Variants in INTS4 observed in about 807,000 individuals in gnomAD.
The protein encoded by INTS4 is integrator complex subunit 4.
A neutral mutation model predicts 119.5 loss-of-function variants in INTS4; 70 were observed. The observed-to-expected ratio is 0.59, with a 90% CI of 0.48 to 0.71. The LOEUF is 0.71. INTS4 is among the 30% of genes least tolerant of loss of function. The pLI is 0.00. For synonymous variants in INTS4, 316 were observed against 419.6 expected (o/e 0.75, Z 3.02); for missense variants, 867 against 1,173.2 (o/e 0.74, Z 3.81).
rs532697060 is a variant in INTS4, at chr11:77,956,995, C to T, written c.798-933G>A. On this transcript the variant is annotated intron_variant, in intron 7 of 22. Coordinates refer to ENST00000534064, the MANE Select transcript of INTS4 (RefSeq NM_033547.4). ...TGTCGCCCAGGCTGGAGTGCAGTGG[C>T]GTGAGCACTGCTCACCACAGTGTCA... is the stretch of plus-strand genomic sequence containing the variant. Among the ~76,000 whole-genome samples, 313 of 152,058 alleles carry T rather than the reference C, an allele frequency of 2.1e-3. 1 individual carries two copies. The highest frequency in any genetic ancestry group is 3.8e-3 in the Non-Finnish European group (255 of 67,952).
Position 77,907,073 on chromosome 11 carries a change from G to C in INTS4, c.2016+644C>G, listed in dbSNP as rs916272329. On this transcript the variant is annotated intron_variant, in intron 16 of 22. Transcript: ENST00000534064. ...CCTTTTAACTTTGATGAAGTGCAGT[G>C]AGTTTTTTTGTTTGTTTGTTTGTTT... 3.9e-5 allele frequency among the ~76,000 whole-genome samples: 6 copies of C among 152,108 alleles called. No individual in the cohort carries two copies. The South Asian group carries it at 1.2e-3, about 32-fold the overall frequency.
chr11:77,922,639 G>C (rs1953391004), intron 12 of INTS4, 168 bp from the exon 13 acceptor site: 1 of 988,720 alleles, frequency 1.0e-6, no homozygotes, highest in African/African-American at 1.6e-5. Context: ...CTGGAACTCG[G>C]TTAATTCATC....
intron 4 of INTS4, among the ~76,000 whole-genome samples, chr11:77,962,477 GC>G (rs1197250702): frequency 1.3e-5 from 2 of 152,012 alleles, no homozygotes; most frequent in Admixed American, 1.3e-4. Flanking sequence ...CTAGTCCAAT[GC>G]TACTAAAACA....
intron 3 of INTS4, among the ~76,000 whole-genome samples, chr11:77,980,304 A>T (rs1856155427): frequency 6.6e-6 from 1 of 152,188 alleles, no homozygotes; most frequent in African/African-American, 2.4e-5. Flanking sequence ...TAGCTACCAT[A>T]AGAATTTTCC....
chr11:77,924,484 C>T, intron 12 of INTS4: 1 of 354,112 alleles, frequency 2.8e-6, no homozygotes, highest in Non-Finnish European at 5.3e-6. Flanking sequence ...TAACAGCTAC[C>T]ACAAGGGTTG....
chr11:77,928,710 G>A (rs1182349272), intron 10 of INTS4, among the ~76,000 whole-genome samples, 163 bp from the exon 11 acceptor site: 3 of 152,204 alleles, frequency 2.0e-5, no homozygotes, highest in Non-Finnish European at 4.4e-5. Context: ...TTAGCTGGGT[G>A]TGGTAGCGTG....
In INTS4 at chr11:77,891,404, C is replaced by A. The variant is rs757352843; in HGVS notation, c.2507G>T (p.Arg836Leu). Residue 836 changes from arginine to leucine, a missense_variant, in exon 21 of 23, where the codon CGG becomes CTG. Transcript: ENST00000534064. ...EPAGESDNPL[R>L]FTSGLVVALD... is the part of the protein sequence containing the mutation. ...GGCAACCACCAACCCAGAGGTAAACCGCAAAGGGTTGTCTGACTCGCCCGC... is the reference window on the plus strand; with the variant it reads ...GGCAACCACCAACCCAGAGGTAAACAGCAAAGGGTTGTCTGACTCGCCCGC... 5 of 1,613,196 alleles carry A rather than the reference C, an allele frequency of 3.1e-6. No individual in the cohort carries two copies. Among genetic ancestry groups the A allele is most frequent in the South Asian group, 1.1e-5 (1 of 90,816 alleles).
intron 2 of INTS4, among the ~76,000 whole-genome samples, chr11:77,986,715 T>G (rs1318424724): frequency 6.6e-6 from 1 of 152,106 alleles, no homozygotes; most frequent in Non-Finnish European, 1.5e-5. Context: ...AAAACCATCC[T>G]TCTCAGCAAA....
intron 5 of INTS4, among the ~76,000 whole-genome samples, 195 bp from the exon 6 acceptor site, chr11:77,960,586 T>C (rs534298451): frequency 6.6e-6 from 1 of 152,152 alleles, no homozygotes; most frequent in East Asian, 1.9e-4. Flanking sequence ...ATCTAACCCA[T>C]GGACTGTCCC....
chr11:77,963,599 AT>A (rs1331225631), intron 4 of INTS4: 14 of 325,360 alleles, frequency 4.3e-5, no homozygotes, highest in Non-Finnish European at 7.0e-5. Flanking sequence ...TATTAAAAAA[AT>A]AAATGGTTCT....
intron 2 of INTS4, among the ~76,000 whole-genome samples, chr11:77,984,257 CCAAGGCAGGCAGAT>C (rs1350747818): frequency 6.6e-6 from 1 of 152,080 alleles, no homozygotes; most frequent in Non-Finnish European, 1.5e-5. Context: ...CCTTGGGAGG[CCAAGGCAGGCAGAT>C]CACCCTACGT....
At position 77,901,511 on chromosome 11, in the gene INTS4, C is replaced by T. The variant is rs1348955077; in HGVS notation, c.2138G>A (p.Gly713Asp). Residue 713 changes from glycine (G) to aspartate (D), a missense_variant, in exon 18 of 23, where the codon GGT (glycine) becomes GAT (aspartate). This residue lies in a region of INTS4 where 262 missense variants were observed against 376.0 expected (regional missense o/e 0.70). Coordinates refer to ENST00000534064, the MANE Select transcript of INTS4 (RefSeq NM_033547.4). ...AATCACCACCTGCTTATTCTCCACA[C>T]CACTGTACATGAATTCCATTTTGTA... ...ETYKMEFMYS[G>D]VENKQVVIIH... The T allele has an allele frequency of 6.2e-7, 1 of 1,611,982 alleles. No homozygotes were observed. Among genetic ancestry groups the T allele is most frequent in the Non-Finnish European group, 8.5e-7 (1 of 1,178,202 alleles).
intron 4 of INTS4, among the ~76,000 whole-genome samples, chr11:77,976,901 G>A (rs1190486598): frequency 6.6e-6 from 1 of 151,840 alleles, no homozygotes. Flanking sequence ...ACAGGAAGGG[G>A]AACATCACAC....
intron 2 of INTS4, among the ~76,000 whole-genome samples, chr11:77,988,470 C>A (rs1856544113): frequency 6.6e-6 from 1 of 152,128 alleles, no homozygotes. Flanking sequence ...TATGTTCCTG[C>A]ATGGGGAAAT....
rs1487307096 is a variant in INTS4 at position 77,958,950 on chromosome 11, T to C, written c.709-116A>G. 5 of 687,984 alleles carry C rather than the reference T, an allele frequency of 7.3e-6. No homozygotes were observed. The Admixed American group carries it at 1.1e-4, about 15-fold the overall frequency. 42.6% of individuals were successfully genotyped at this position (687,984 alleles called of 1,614,324 possible). ...AAGGATGCCCAGTAAAACACTTGTG[T>C]GTGGTTTTAACTTCTGGAATCTTTG... On this transcript the variant is annotated intron_variant, in intron 6 of 22. Transcript: ENST00000534064.
chr11:77,974,780 A>T (rs1565284709), intron 4 of INTS4, among the ~76,000 whole-genome samples: 2 of 151,024 alleles, frequency 1.3e-5, no homozygotes, highest in Admixed American at 6.6e-5. Context: ...TTTTTGTTTT[A>T]TGTAGATATG....
Position 77,933,865 on chromosome 11 carries a change from GC to G in INTS4, c.1165+4785del, listed in dbSNP as rs1490350788. Reference sequence around the variant, plus strand: ...TGTCTGGGAAGTGAGGAGCCCCTCTGCCCGGCAGCCACCCCGTCTGGGAGGT... The same window carrying G: ...TGTCTGGGAAGTGAGGAGCCCCTCTGCCGGCAGCCACCCCGTCTGGGAGGT... On this transcript the variant is annotated intron_variant, in intron 10 of 22. Coordinates refer to ENST00000534064, the MANE Select transcript of INTS4 (RefSeq NM_033547.4). 5.3e-5 allele frequency among the ~76,000 whole-genome samples: 8 copies of G among 152,232 alleles called. No homozygotes were observed. In the East Asian group the frequency reaches 1.4e-3, roughly 26 times the overall value.
At chr11:77,937,157 ACT>A (rs1038384712) in intron 10 of INTS4, among the ~76,000 whole-genome samples, 16 of 151,080 alleles carry the variant, frequency 1.1e-4, no homozygotes, top group African/African-American at 3.2e-4. Flanking sequence ...CCTGGGCAAA[ACT>A]CTGTCCCCGC....
In INTS4 at chr11:77,904,386, A is replaced by C. The variant is rs575932255; in HGVS notation, c.2017-766T>G. ...AGATGTAAGTTAATTTTAAGATACA[A>C]AGACTAAGTTAATTTTTTAAAAAAG... On this transcript the variant is annotated intron_variant, in intron 16 of 22. Coordinates refer to ENST00000534064, the MANE Select transcript of INTS4 (RefSeq NM_033547.4). Among the ~76,000 whole-genome samples the C allele has an allele frequency of 2.6e-5, 4 of 152,366 alleles. No homozygotes were observed. The East Asian group carries it at 7.7e-4, about 29-fold the overall frequency.
Sources: gnomAD v4.1 joint callset for allele counts (sites outside exome capture counted in the v4.1 genomes callset) on GRCh38, gnomAD v4.1.1 for gene constraint, gnomAD v4.1.1 regional missense constraint, MANE v1.5 for transcripts, NCBI Gene and HGNC (gene_info 2026-07-23, HGNC 2026-07-21) for gene names.